The following SUMF1 variants were observed in gnomAD, a reference collection of about 807,000 sequenced individuals.
The protein encoded by SUMF1 is formylglycine-generating enzyme.
A neutral mutation model predicts 47.6 loss-of-function variants in SUMF1; 48 were observed. The observed-to-expected ratio is 1.01, with a 90% confidence interval of 0.80 to 1.28. The LOEUF (loss-of-function observed/expected upper bound fraction) is 1.28, where lower values mean the gene tolerates loss of function less well. Among genes scored for constraint, SUMF1 ranks in the 50% most tolerant of loss-of-function variants. The pLI, the probability that SUMF1 is intolerant of heterozygous loss-of-function variation, is 0.00. For missense variants in SUMF1, 571 were observed against 485.4 expected (o/e 1.18, Z -1.66); for synonymous variants, 230 against 192.1 (o/e 1.20, Z -1.63).
chr3:4,109,321 T>A (rs910133790), intron 8 of SUMF1, among the ~76,000 whole-genome samples: 9 of 152,274 alleles, frequency 5.9e-5, no homozygotes, highest in South Asian at 2.1e-4. Flanking sequence ...CTTCCCTTTG[T>A]GGGTAACCCG....
intron 6 of SUMF1, among the ~76,000 whole-genome samples, chr3:4,411,197 T>C (rs1559282003): frequency 6.6e-6 from 1 of 152,168 alleles, no homozygotes; most frequent in Non-Finnish European, 1.5e-5. Flanking sequence ...AGAGAGTTCA[T>C]ATTAAATGGT....
At chr3:4,348,389 C>G (rs1699416625) in intron 8 of SUMF1, among the ~76,000 whole-genome samples, 1 of 152,140 alleles carries the variant, frequency 6.6e-6, no homozygotes, top group Non-Finnish European at 1.5e-5. Flanking sequence ...CTACAACCAT[C>G]TGATCTTTCA....
chr3:4,203,086 T>C (rs1013708936), intron 8 of SUMF1, among the ~76,000 whole-genome samples: 1 of 151,964 alleles, frequency 6.6e-6, no homozygotes, highest in South Asian at 2.1e-4. Flanking sequence ...TCTGTAAATA[T>C]CAAGTATCAA....
At chr3:4,390,951 T>C (rs950858908) in intron 7 of SUMF1, among the ~76,000 whole-genome samples, 2 of 152,178 alleles carry the variant, frequency 1.3e-5, no homozygotes, top group African/African-American at 2.4e-5. Flanking sequence ...AAAATGTACA[T>C]CTACTCCATC....
At chr3:4,280,534 G>C (rs1174844810) in intron 8 of SUMF1, among the ~76,000 whole-genome samples, 14 of 152,054 alleles carry the variant, frequency 9.2e-5, no homozygotes, top group Admixed American at 9.2e-4. Flanking sequence ...TATGTGAGAG[G>C]AAGGCTTTAT....
At chr3:4,436,440 T>C (rs1278325820) in intron 3 of SUMF1, among the ~76,000 whole-genome samples, 1 of 151,872 alleles carries the variant, frequency 6.6e-6, no homozygotes, top group Non-Finnish European at 1.5e-5. Context: ...TAGATATAGA[T>C]ATAAACAAAA....
intron 3 of SUMF1, among the ~76,000 whole-genome samples, chr3:4,437,402 G>A (rs1702437446): frequency 6.6e-6 from 1 of 151,930 alleles, no homozygotes; most frequent in South Asian, 2.1e-4. Flanking sequence ...CTTCTAAGAA[G>A]ACAAGCACAG....
chr3:4,296,763 C>G (rs1023282394), intron 8 of SUMF1, among the ~76,000 whole-genome samples: 2 of 151,828 alleles, frequency 1.3e-5, no homozygotes, highest in Non-Finnish European at 2.9e-5. Context: ...ATTATCCAAC[C>G]CACACTGTCT....
chr3:4,363,063 A>C (rs1414637528), intron 8 of SUMF1, among the ~76,000 whole-genome samples: 1 of 152,234 alleles, frequency 6.6e-6, no homozygotes, highest in Non-Finnish European at 1.5e-5. Context: ...GTTATCCCTC[A>C]AGCAATCTGA....
At chr3:4,173,343 C>T (rs1363763396) in intron 8 of SUMF1, among the ~76,000 whole-genome samples, 3 of 152,070 alleles carry the variant, frequency 2.0e-5, no homozygotes, top group Non-Finnish European at 4.4e-5. Flanking sequence ...CCATCTCATG[C>T]CAGTTAGAAT....
intron 8 of SUMF1, among the ~76,000 whole-genome samples, chr3:4,254,110 T>G (rs1696884072): frequency 6.6e-6 from 1 of 151,862 alleles, no homozygotes; most frequent in Admixed American, 6.6e-5. Flanking sequence ...AAAACCCATC[T>G]GTACATCACC....
chr3:4,252,599 G>T (rs1167640589), intron 8 of SUMF1, among the ~76,000 whole-genome samples: 1 of 152,062 alleles, frequency 6.6e-6, no homozygotes, highest in African/African-American at 2.4e-5. Flanking sequence ...GAACTTAAAG[G>T]TCTCAGAGAG....
At chr3:4,167,973 G>C (rs1395578723) in intron 8 of SUMF1, among the ~76,000 whole-genome samples, 6 of 152,136 alleles carry the variant, frequency 3.9e-5, no homozygotes, top group African/African-American at 1.4e-4. Context: ...CAATGATAGA[G>C]AGCCATAGTC....
chr3:4,153,950 T>A (rs895601882), intron 8 of SUMF1, among the ~76,000 whole-genome samples: 1 of 151,688 alleles, frequency 6.6e-6, no homozygotes, highest in Non-Finnish European at 1.5e-5. Flanking sequence ...GCATCAGATC[T>A]GTTTGCACAA....
At chr3:4,268,053 G>A (rs13094513) in intron 8 of SUMF1, among the ~76,000 whole-genome samples, 55,735 of 151,940 alleles carry the variant, frequency 0.37, 11,003 homozygotes, top group Non-Finnish European at 0.45. Flanking sequence ...ATACTATGCA[G>A]CCATAAAAAA....
At chr3:4,049,530 G>C (rs149356589) in intron 9 of SUMF1, among the ~76,000 whole-genome samples, 1 of 152,108 alleles carries the variant, frequency 6.6e-6, no homozygotes, top group Admixed American at 6.6e-5. Context: ...TGACTCATCT[G>C]TTCAGTAACC....
chr3:4,441,811 C>T (rs761218894), intron 3 of SUMF1, among the ~76,000 whole-genome samples: 10 of 152,150 alleles, frequency 6.6e-5, no homozygotes, highest in Non-Finnish European at 1.5e-4. Flanking sequence ...CTCAAAACTA[C>T]ATAAAAAGAA....
intron 8 of SUMF1, among the ~76,000 whole-genome samples, chr3:4,363,010 G>C (rs1699818171): frequency 6.6e-6 from 1 of 151,888 alleles, no homozygotes; most frequent in African/African-American, 2.4e-5. Flanking sequence ...GTGCCAAGAA[G>C]AAAAGACTGG....
intron 1 of SUMF1, among the ~76,000 whole-genome samples, chr3:4,456,698 A>G (rs1559312210): frequency 2.2e-5 from 3 of 135,616 alleles, no homozygotes; most frequent in African/African-American, 5.6e-5. Flanking sequence ...GTGTGTATAT[A>G]TATATACGTA....
Sources: allele counts gnomAD v4.1 joint callset (sites outside exome capture counted in the v4.1 genomes callset), GRCh38; gene constraint gnomAD v4.1.1; transcripts MANE v1.5; gene names NCBI Gene and HGNC (gene_info 2026-07-23, HGNC 2026-07-21).